SCRN3: variants seen among roughly 807,000 people sequenced by gnomAD.
The protein encoded by SCRN3 is secernin-3.
A neutral mutation model predicts 43.1 loss-of-function variants in SCRN3; 39 were observed. The ratio of observed to expected loss-of-function variants is 0.91; its 90% confidence interval spans 0.70 to 1.18. The LOEUF (loss-of-function observed/expected upper bound fraction) is 1.18, where lower values mean the gene tolerates loss of function less well. Ranked by LOEUF, SCRN3 falls within the 50% of genes most tolerant of loss-of-function variation. SCRN3 has a pLI of 0.00. For synonymous variants in SCRN3, 147 were observed against 163.1 expected, an observed-to-expected ratio of 0.90 and a Z score of 0.75; for missense variants, 484 against 498.0, an observed-to-expected ratio of 0.97 and a Z score of 0.27.
Position 174,427,805 on chromosome 2 carries a change from T to C in SCRN3, c.1185T>C (p.Asp395=). 6.2e-7 allele frequency: 1 copy of C among 1,611,346 alleles called. No homozygotes were observed. The highest frequency in any genetic ancestry group is 8.5e-7 in the Non-Finnish European group (1 of 1,177,666). The change falls in exon 8 of 8, where the codon GAT becomes GAC. Residue 395 remains aspartate, a synonymous_variant. Transcript: ENST00000272732. The stretch of plus-strand genomic sequence containing the variant: ...CAATCCTTCAAAACAAGCATCTTGA[T>C]GTGGAGAAAATTGTTAATCTCTTTC... The part of the protein sequence containing the change: ...MESILQNKHL[D]VEKIVNLFPQ...
intron 5 of SCRN3, among the ~76,000 whole-genome samples, chr2:174,412,694 G>A (rs986074241): frequency 6.6e-6 from 1 of 152,112 alleles, no homozygotes; most frequent in Non-Finnish European, 1.5e-5. Flanking sequence ...GAATGTCAGG[G>A]AGAATTGAGG....
intron 5 of SCRN3, among the ~76,000 whole-genome samples, chr2:174,419,676 AGCTTGCCTGGCCTGT>A (rs1332815005): frequency 1.3e-5 from 2 of 152,208 alleles, no homozygotes; most frequent in East Asian, 1.9e-4. Context: ...GGCATAAGCC[AGCTTGCCTGGCCTGT>A]GTTTTTTGTT....
chr2:174,400,152 T>C, intron 3 of SCRN3, 49 bp downstream of exon 3: 1 of 1,325,948 alleles, frequency 7.5e-7, no homozygotes, highest in Non-Finnish European at 1.0e-6. Context: ...AAATTTATAA[T>C]TTTTGTGTAA....
Position 174,398,419 on chromosome 2 carries a change from G to T in SCRN3, c.136G>T (p.Asp46Tyr). Residue 46 changes from aspartate (D) to tyrosine (Y), a missense_variant, in exon 2 of 8, where the codon GAT becomes TAT. Transcript: ENST00000272732. ...EVVYFPAVVH[D>Y]NLGERLKCTY... ...GGTTTATTTTCCTGCTGTAGTTCATGATAACCTGGGAGAACGTCTTAAGGT... is the reference window on the plus strand; with the variant it reads ...GGTTTATTTTCCTGCTGTAGTTCATTATAACCTGGGAGAACGTCTTAAGGT... 1 of 1,598,756 alleles carries T rather than the reference G, an allele frequency of 6.3e-7. No homozygotes were observed. Among genetic ancestry groups the T allele is most frequent in the Non-Finnish European group, 8.5e-7 (1 of 1,175,582 alleles).
chr2:174,414,611 T>C (rs1432343144), intron 5 of SCRN3, among the ~76,000 whole-genome samples: 5 of 152,160 alleles, frequency 3.3e-5, no homozygotes, highest in African/African-American at 1.2e-4. Context: ...GGTAGTATTT[T>C]AATCATTGTA....
rs765190889 is a variant in SCRN3, at chr2:174,400,084, T to C, written c.322T>C (p.Leu108=). The C allele has an allele frequency of 4.4e-6, 7 of 1,579,328 alleles. No homozygotes were observed. Among genetic ancestry groups the C allele is most frequent in the Middle Eastern group, 1.7e-4 (1 of 5,984 alleles). The change falls in exon 3 of 8, where the codon TTA becomes CTA. Residue 108 remains leucine, a synonymous_variant. Transcript: ENST00000272732. ...AGAAGTTTGTGATGAAGAAGCACTA[T>C]TAGGAATGGACCTTGTCAGGTTATT... is the stretch of plus-strand genomic sequence containing the variant. ...REEVCDEEAL[L]GMDLVRLGLE... is the part of the protein sequence containing the mutation.
At position 174,420,567 on chromosome 2, in the gene SCRN3, A is replaced by G. The variant is rs144688964; in HGVS notation, c.755-2318A>G. On this transcript the variant is annotated intron_variant, in intron 5 of 7. Coordinates refer to ENST00000272732, the MANE Select transcript of SCRN3 (RefSeq NM_024583.5). Reference sequence around the variant, plus strand: ...ATTGGAAACAGACTTTGAAATTACTATTATATATTCAAAATAATTAGAAGA... The same window carrying G: ...ATTGGAAACAGACTTTGAAATTACTGTTATATATTCAAAATAATTAGAAGA... Among the ~76,000 whole-genome samples the G allele has an allele frequency of 7.2e-3, 1,096 of 152,312 alleles. 10 individuals are homozygous for G. Among genetic ancestry groups the G allele is most frequent in the African/African-American group, 0.025 (1,057 of 41,564 alleles).
rs1559087172 is a variant in SCRN3 at position 174,427,874 on chromosome 2, A to T, written c.1254A>T (p.Leu418Phe). The T allele has an allele frequency of 2.5e-6, 4 of 1,583,934 alleles. No individual in the cohort carries two copies. The highest frequency in any genetic ancestry group is 2.6e-6 in the Non-Finnish European group (3 of 1,153,938). Residue 418 changes from leucine (L) to phenylalanine (F), a missense_variant, in exon 8 of 8, where the codon TTA (leucine) becomes TTT (phenylalanine). Leu to Phe is a conservative substitution (Grantham distance 22). Coordinates refer to ENST00000272732, the MANE Select transcript of SCRN3 (RefSeq NM_024583.5). ...AAATTCAAATTTATCAGTCAAATTT[A>T]TCAGTCAAAGTTAGTTCTTAGTGAT... Reference protein sequence around the residue: ...KDEIQIYQSNLSVKVSS With the variant: ...KDEIQIYQSNFSVKVSS
In SCRN3 at chr2:174,424,655, C is replaced by A; in HGVS notation, c.1092+6C>A. ...AAGTAGTAAATAATAATGAGGTATG[C>A]TAGATTATATTCTTTGTTATATCAT... On this transcript the variant is annotated splice_donor_region_variant and intron_variant, in intron 7 of 7. Coordinates refer to ENST00000272732, the MANE Select transcript of SCRN3 (RefSeq NM_024583.5). 1 of 1,598,736 alleles carries A rather than the reference C, an allele frequency of 6.3e-7. No homozygotes were observed. Among genetic ancestry groups the A allele is most frequent in the East Asian group, 2.2e-5 (1 of 44,654 alleles).
chr2:174,410,216 G>T (rs547365573), intron 5 of SCRN3: 1 of 150,184 alleles, frequency 6.7e-6, no homozygotes, highest in Non-Finnish European at 1.5e-5. Flanking sequence ...GGAGTGACCC[G>T]ATTTTCCAGG....
intron 4 of SCRN3, among the ~76,000 whole-genome samples, chr2:174,402,115 A>G (rs571219998): frequency 3.9e-5 from 6 of 152,312 alleles, no homozygotes; most frequent in Non-Finnish European, 7.4e-5. Context: ...TTTTGCATAT[A>G]TGTTTATTAA....
intron 5 of SCRN3, among the ~76,000 whole-genome samples, chr2:174,412,530 G>A (rs1302618793): frequency 6.6e-6 from 1 of 152,140 alleles, no homozygotes; most frequent in Non-Finnish European, 1.5e-5. Flanking sequence ...AATACCACAG[G>A]AGAAATTCTG....
At chr2:174,416,836 A>G (rs758640722) in intron 5 of SCRN3, among the ~76,000 whole-genome samples, 12 of 152,102 alleles carry the variant, frequency 7.9e-5, no homozygotes, top group Non-Finnish European at 1.6e-4. Context: ...ACTTTTTATT[A>G]TTAGTGTTGT....
At position 174,408,568 on chromosome 2, in the gene SCRN3, T is replaced by A. The variant is rs1406936490; in HGVS notation, c.754+4253T>A. 5.5e-5 allele frequency among the ~76,000 whole-genome samples: 8 copies of A among 145,446 alleles called. No individual in the cohort carries two copies. The Admixed American group carries it at 5.5e-4, about 10-fold the overall frequency. On this transcript the variant is annotated intron_variant, in intron 5 of 7. Coordinates refer to ENST00000272732, the MANE Select transcript of SCRN3 (RefSeq NM_024583.5). The stretch of plus-strand genomic sequence containing the variant: ...CTTCCTAGTCTCGGTGGTCTTTACA[T>A]TTTGGCATGATTTTGCAGCGGCTGG...
intron 5 of SCRN3, among the ~76,000 whole-genome samples, chr2:174,416,656 T>C (rs971673818): frequency 9.2e-5 from 14 of 152,172 alleles, no homozygotes; most frequent in African/African-American, 3.4e-4. Context: ...TCCTATCTAC[T>C]TGAAAGTCAA....
intron 7 of SCRN3, among the ~76,000 whole-genome samples, chr2:174,425,228 A>T (rs1202790016): frequency 6.6e-6 from 1 of 152,188 alleles, no homozygotes; most frequent in African/African-American, 2.4e-5. Context: ...AGAGCAATAT[A>T]TCACTCAAAA....
intron 5 of SCRN3, among the ~76,000 whole-genome samples, chr2:174,406,356 G>A (rs1685692629): frequency 7.3e-6 from 1 of 137,726 alleles, no homozygotes; most frequent in East Asian, 2.1e-4. Flanking sequence ...AGGAGATTTT[G>A]GGCTGAGACA....
chr2:174,411,534 A>G (rs1278177668), intron 5 of SCRN3, among the ~76,000 whole-genome samples: 3 of 152,144 alleles, frequency 2.0e-5, no homozygotes, highest in Non-Finnish European at 4.4e-5. Flanking sequence ...AATCTCTACA[A>G]GTTCCATTGG....
intron 1 of SCRN3, chr2:174,396,231 G>T: frequency 1.1e-6 from 1 of 934,458 alleles, no homozygotes; most frequent in African/African-American, 1.8e-5. Context: ...CCAGCTGTAC[G>T]GTACTGGCGC....
Sources: allele counts gnomAD v4.1 joint callset (sites outside exome capture counted in the v4.1 genomes callset), GRCh38; gene constraint gnomAD v4.1.1; transcripts MANE v1.5; gene names NCBI Gene and HGNC (gene_info 2026-07-23, HGNC 2026-07-21).